CORIN: variants seen among roughly 807,000 people sequenced by gnomAD.
The protein encoded by CORIN is corin, serine peptidase.
CORIN carries 117 observed loss-of-function variants against 125.3 expected under a neutral mutation model. The observed-to-expected ratio is 0.93, with a 90% CI of 0.80 to 1.09. CORIN has a LOEUF of 1.09. Among genes scored for constraint, CORIN ranks in the 50% least tolerant of loss-of-function variants. The pLI is 0.00. For synonymous variants in CORIN, 450 were observed against 466.4 expected, an observed-to-expected ratio of 0.96 and a Z score of 0.45; for missense variants, 1,253 against 1,306.7, an observed-to-expected ratio of 0.96 and a Z score of 0.63.
intron 5 of CORIN, among the ~76,000 whole-genome samples, chr4:47,725,356 T>A (rs1204432394): frequency 6.6e-6 from 1 of 152,128 alleles, no homozygotes; most frequent in Non-Finnish European, 1.5e-5. Context: ...AAACTCATAC[T>A]ATTCTTTGTT....
At position 47,623,646 on chromosome 4, in the gene CORIN, T is replaced by G; in HGVS notation, c.2465A>C (p.Glu822Ala). ...RWPWQCSLQS[E>A]PSGHICGCVL... ...ACAGCCACAGATATGTCCACTGGGT[T>G]CACTCTGCAGAGAACACTGCCATGG... is the stretch of plus-strand genomic sequence containing the variant. The change falls in exon 19 of 22, where the codon GAA becomes GCA. Residue 822 changes from glutamate (E) to alanine (A), a missense_variant. Glu to Ala is a moderately radical substitution (Grantham distance 107). Coordinates refer to ENST00000273857, the MANE Select transcript of CORIN (RefSeq NM_006587.4). 1 of 1,614,184 alleles carries G rather than the reference T, an allele frequency of 6.2e-7. No individual in the cohort carries two copies.
chr4:47,809,334 C>A (rs1731949806), intron 1 of CORIN, among the ~76,000 whole-genome samples: 1 of 151,362 alleles, frequency 6.6e-6, no homozygotes, highest in Admixed American at 6.6e-5. Flanking sequence ...AAGTACTGGA[C>A]CTCCAAAAAC....
intron 6 of CORIN, among the ~76,000 whole-genome samples, chr4:47,686,679 T>C (rs1725530067): frequency 6.6e-6 from 1 of 152,156 alleles, no homozygotes; most frequent in Non-Finnish European, 1.5e-5. Context: ...TTGTGGGAAG[T>C]TTTGAGTCAA....
chr4:47,619,845 G>A (rs7673289), intron 19 of CORIN, among the ~76,000 whole-genome samples: 40,722 of 151,830 alleles, frequency 0.27, 5,542 homozygotes, highest in Admixed American at 0.35. Context: ...TCTTGCTAGT[G>A]TAACCTTCTT....
intron 1 of CORIN, among the ~76,000 whole-genome samples, chr4:47,835,941 G>A (rs1445188653): frequency 6.6e-6 from 1 of 152,204 alleles, no homozygotes; most frequent in East Asian, 1.9e-4. Flanking sequence ...AAGGTTAACA[G>A]AGGCTTTCAT....
rs1325558532 is a variant in CORIN at position 47,740,148 on chromosome 4, A to C, written c.799+4254T>G. Among the ~76,000 whole-genome samples the C allele has an allele frequency of 3.3e-5, 5 of 151,988 alleles. No individual in the cohort carries two copies. In the East Asian group the frequency reaches 9.6e-4, roughly 29 times the overall value. On this transcript the variant is annotated intron_variant, in intron 5 of 21. Transcript: ENST00000273857. ...TCTCATAGATAAAAATATGAGATTC[A>C]ATTATATACTGTGTGTAAAAGGCAT... is the stretch of plus-strand genomic sequence containing the variant.
At chr4:47,664,983 G>C in intron 11 of CORIN, 49 bp downstream of exon 11, 1 of 1,332,014 alleles carries the variant, frequency 7.5e-7, no homozygotes, top group Non-Finnish European at 1.1e-6. Flanking sequence ...TCACCCCTTG[G>C]TTCTCTCTGA....
intron 10 of CORIN, among the ~76,000 whole-genome samples, chr4:47,666,471 G>A (rs1724488184): frequency 6.6e-6 from 1 of 152,192 alleles, no homozygotes; most frequent in African/African-American, 2.4e-5. Context: ...TAGGAAAAAG[G>A]ATGCACGCGC....
intron 5 of CORIN, among the ~76,000 whole-genome samples, chr4:47,736,484 A>G (rs1728141849): frequency 6.6e-6 from 1 of 152,218 alleles, no homozygotes; most frequent in African/African-American, 2.4e-5. Flanking sequence ...AAGAGTCTAC[A>G]TTCTTTTTTA....
chr4:47,806,998 A>T lies in CORIN; in HGVS notation c.113T>A (p.Leu38Gln). 1 of 1,614,090 alleles carries T rather than the reference A, an allele frequency of 6.2e-7. No individual in the cohort carries two copies. The highest frequency in any genetic ancestry group is 8.5e-7 in the Non-Finnish European group (1 of 1,179,948). ...GAACCGGAGGAGGTTAGCAGTCGCC[A>T]GCTTCTGAGAGCAGCCATTGCCCAT... ...NNMGNGCSQK[L>Q]ATANLLRFLL... Residue 38 changes from leucine (L) to glutamine (Q), a missense_variant, in exon 2 of 22, where the codon CTG becomes CAG. Leu to Gln is a moderately radical substitution (Grantham distance 113). Coordinates refer to ENST00000273857, the MANE Select transcript of CORIN (RefSeq NM_006587.4).
At chr4:47,654,986 G>A (rs747702855) in intron 12 of CORIN, among the ~76,000 whole-genome samples, 7 of 151,834 alleles carry the variant, frequency 4.6e-5, no homozygotes, top group Non-Finnish European at 7.4e-5. Flanking sequence ...CTTAGCCACA[G>A]TAGAATAGGG....
intron 16 of CORIN, among the ~76,000 whole-genome samples, chr4:47,638,995 T>A (rs1723134267): frequency 6.6e-6 from 1 of 152,202 alleles, no homozygotes; most frequent in East Asian, 1.9e-4. Flanking sequence ...GCAGGTGTTT[T>A]AAATCAACTG....
chr4:47,801,578 T>A (rs763750921), intron 2 of CORIN, among the ~76,000 whole-genome samples: 1 of 152,112 alleles, frequency 6.6e-6, no homozygotes, highest in Non-Finnish European at 1.5e-5. Flanking sequence ...TCCTCTCCCA[T>A]CCCCCAGCAG....
At chr4:47,682,175 G>GCC (rs1725315796) in intron 7 of CORIN, 1 of 152,864 alleles carries the variant, frequency 6.5e-6, no homozygotes, top group Non-Finnish European at 1.5e-5. Flanking sequence ...CAGGTGCGGT[G>GCC]GCTCATGCCT....
At chr4:47,774,550 T>C (rs1730203639) in intron 3 of CORIN, among the ~76,000 whole-genome samples, 1 of 152,170 alleles carries the variant, frequency 6.6e-6, no homozygotes, top group Non-Finnish European at 1.5e-5. Context: ...AATATGACCA[T>C]CTTCTCCGCC....
intron 8 of CORIN, among the ~76,000 whole-genome samples, chr4:47,678,335 A>T (rs1292900071): frequency 6.6e-6 from 1 of 152,250 alleles, no homozygotes; most frequent in African/African-American, 2.4e-5. Flanking sequence ...AGGGTTCATT[A>T]TATGGCAAGA....
At chr4:47,644,494 T>C (rs1246317460) in intron 14 of CORIN, among the ~76,000 whole-genome samples, 3 of 152,214 alleles carry the variant, frequency 2.0e-5, no homozygotes, top group Admixed American at 2.0e-4. Context: ...CTGTTATTTG[T>C]AGGTAAAACA....
chr4:47,684,789 C>T (rs186419661), intron 6 of CORIN, among the ~76,000 whole-genome samples: 26 of 151,804 alleles, frequency 1.7e-4, no homozygotes, highest in Admixed American at 7.9e-4. Flanking sequence ...AATAATCAGA[C>T]GAAAAAGAAT....
At chr4:47,711,866 A>G (rs1191770699) in intron 5 of CORIN, among the ~76,000 whole-genome samples, 1 of 152,208 alleles carries the variant, frequency 6.6e-6, no homozygotes. Context: ...CTCTGAAAGC[A>G]CTTTCCCACA....
Sources: gnomAD v4.1 joint callset for allele counts (sites outside exome capture counted in the v4.1 genomes callset) on GRCh38, gnomAD v4.1.1 for gene constraint, MANE v1.5 for transcripts, NCBI Gene and HGNC (gene_info 2026-07-23, HGNC 2026-07-21) for gene names.